Variants in BBS9 observed in about 807,000 individuals in gnomAD.
The protein encoded by BBS9 is Bardet-Biedl syndrome 9, also known as protein PTHB1.
In BBS9, 89 loss-of-function variants were observed where a neutral mutation model predicts 117.7. The ratio of observed to expected loss-of-function variants is 0.76; its 90% CI spans 0.64 to 0.90. The LOEUF (loss-of-function observed/expected upper bound fraction) is 0.90, where lower values mean the gene tolerates loss of function less well. BBS9 is among the 40% of genes least tolerant of loss of function. BBS9 has a pLI of 0.00. For missense variants in BBS9, 982 were observed against 1,042.2 expected (o/e 0.94, Z 0.80); for synonymous variants, 379 against 370.9 (o/e 1.02, Z -0.25).
intron 19 of BBS9, among the ~76,000 whole-genome samples, chr7:33,502,266 A>T (rs1248280535): frequency 6.6e-6 from 1 of 152,120 alleles, no homozygotes; most frequent in Non-Finnish European, 1.5e-5. Flanking sequence ...GTGCTAGTAA[A>T]TAGCTCTCTG....
At chr7:33,330,691 A>G (rs909670782) in intron 9 of BBS9, among the ~76,000 whole-genome samples, 19 of 152,328 alleles carry the variant, frequency 1.2e-4, no homozygotes, top group African/African-American at 3.6e-4. Flanking sequence ...ATTCCTGAGC[A>G]AAATTCTGTT....
At chr7:33,404,357 G>A (rs1829529130) in intron 19 of BBS9, among the ~76,000 whole-genome samples, 1 of 152,132 alleles carries the variant, frequency 6.6e-6, no homozygotes, top group Non-Finnish European at 1.5e-5. Context: ...GAACTTTGAA[G>A]TAGTTTTTTC....
At chr7:33,413,737 C>G (rs1379275256) in intron 19 of BBS9, among the ~76,000 whole-genome samples, 1 of 152,026 alleles carries the variant, frequency 6.6e-6, no homozygotes, top group Admixed American at 6.6e-5. Flanking sequence ...TAAAGCCAGA[C>G]CAGGCCGGGC....
chr7:33,310,972 C>T (rs1385638285), intron 9 of BBS9, among the ~76,000 whole-genome samples: 2 of 152,192 alleles, frequency 1.3e-5, no homozygotes, highest in Non-Finnish European at 2.9e-5. Context: ...CTCAAATAAA[C>T]ATATCATTCC....
chr7:33,202,512 G>A (rs1185090545), intron 5 of BBS9, among the ~76,000 whole-genome samples: 10 of 152,184 alleles, frequency 6.6e-5, no homozygotes, highest in Non-Finnish European at 1.2e-4. Context: ...AAGAAAAGAG[G>A]TTTAATTGGC....
chr7:33,406,370 G>C (rs1225028658), intron 19 of BBS9, among the ~76,000 whole-genome samples: 5 of 152,180 alleles, frequency 3.3e-5, no homozygotes, highest in African/African-American at 1.2e-4. Context: ...GCTTGGTGCA[G>C]AGCTGAGGTC....
At chr7:33,536,673 T>G (rs1851420527) in intron 21 of BBS9, among the ~76,000 whole-genome samples, 1 of 4,056 alleles carries the variant, frequency 2.5e-4, no homozygotes, top group Admixed American at 2.1e-3. Context: ...TGTTCTGTGA[T>G]TCGGCCTTCC....
intron 21 of BBS9, among the ~76,000 whole-genome samples, chr7:33,568,942 G>T (rs1857336316): frequency 6.6e-6 from 1 of 152,142 alleles, no homozygotes; most frequent in Admixed American, 6.5e-5. Flanking sequence ...AGATAAAAAG[G>T]ATAAGGAGGG....
intron 9 of BBS9, among the ~76,000 whole-genome samples, chr7:33,301,040 T>C (rs1378872160): frequency 6.6e-6 from 1 of 152,074 alleles, no homozygotes; most frequent in Admixed American, 6.5e-5. Context: ...TTAGCTATAT[T>C]ATTATAATTA....
intron 9 of BBS9, among the ~76,000 whole-genome samples, chr7:33,316,590 AT>A (rs1810554856): frequency 2.0e-5 from 3 of 152,162 alleles, no homozygotes; most frequent in Admixed American, 2.0e-4. Context: ...AGATATTCTA[AT>A]GTGTGTATGG....
At chr7:33,629,960 C>G (rs1329058194) in intron 21 of BBS9, among the ~76,000 whole-genome samples, 2 of 152,098 alleles carry the variant, frequency 1.3e-5, no homozygotes, top group African/African-American at 2.4e-5. Flanking sequence ...CAGATTTGGG[C>G]CTTCTCTTGT....
chr7:33,268,749 T>C (rs757884025), intron 7 of BBS9, among the ~76,000 whole-genome samples: 1 of 152,198 alleles, frequency 6.6e-6, no homozygotes. Context: ...ATTCAGTACC[T>C]GGTAAATTGA....
intron 20 of BBS9, among the ~76,000 whole-genome samples, chr7:33,532,358 A>G (rs1850714165): frequency 6.6e-6 from 1 of 152,218 alleles, no homozygotes; most frequent in South Asian, 2.1e-4. Context: ...AGGAGTTTGT[A>G]TTAGTCTGTT....
Position 33,146,570 on chromosome 7 carries a change from G to T in BBS9, c.112+206G>T, listed in dbSNP as rs950053944. ...CAAAATTAGCTGGGCTTGGTGGTGG[G>T]CATCTGTAATCCCAGCTACCTGGGA... On this transcript the variant is annotated intron_variant, in intron 2 of 22. Coordinates refer to ENST00000242067, the MANE Select transcript of BBS9 (RefSeq NM_198428.3). Among the ~76,000 whole-genome samples, 3 of 151,900 alleles carry T rather than the reference G, an allele frequency of 2.0e-5. No homozygotes were observed. The South Asian group carries it at 6.2e-4, about 32-fold the overall frequency.
intron 19 of BBS9, among the ~76,000 whole-genome samples, chr7:33,419,062 CA>C (rs1563151031): frequency 6.6e-6 from 1 of 151,938 alleles, no homozygotes; most frequent in Non-Finnish European, 1.5e-5. Flanking sequence ...TTCTGCATTC[CA>C]TTAAAATTGC....
intron 19 of BBS9, among the ~76,000 whole-genome samples, chr7:33,398,424 G>A (rs10464225): frequency 0.18 from 26,988 of 152,166 alleles, 2,558 homozygotes; most frequent in South Asian, 0.21. Flanking sequence ...TTGAGTGAAT[G>A]TAAAGGTGGA....
At chr7:33,633,391 A>G (rs1047926904) in intron 21 of BBS9, among the ~76,000 whole-genome samples, 2 of 152,048 alleles carry the variant, frequency 1.3e-5, no homozygotes, top group Admixed American at 1.3e-4. Context: ...AGGGCTACAT[A>G]TTGGAACTAT....
At chr7:33,314,109 A>G (rs1809930751) in intron 9 of BBS9, 3 of 231,890 alleles carry the variant, frequency 1.3e-5, no homozygotes, top group African/African-American at 6.9e-5. Flanking sequence ...TGCTAAACAT[A>G]TGCAGGTAAT....
intron 5 of BBS9, among the ~76,000 whole-genome samples, chr7:33,191,827 G>A (rs981560977): frequency 2.0e-5 from 3 of 151,986 alleles, no homozygotes; most frequent in Admixed American, 6.6e-5. Context: ...TTGAAATAAT[G>A]TAAGTTATGA....
Sources: allele counts gnomAD v4.1 joint callset (sites outside exome capture counted in the v4.1 genomes callset), GRCh38; gene constraint gnomAD v4.1.1; transcripts MANE v1.5; gene names NCBI Gene and HGNC (gene_info 2026-07-23, HGNC 2026-07-21).